SPTLC1: variants seen among roughly 807,000 people sequenced by gnomAD.
SPTLC1 encodes the protein serine palmitoyltransferase 1.
A neutral mutation model predicts 68.9 loss-of-function variants in SPTLC1; 55 were observed. The observed-to-expected ratio is 0.80, with a 90% CI of 0.64 to 1.00. SPTLC1 has a LOEUF of 1.00. SPTLC1 is among the 50% of genes least tolerant of loss of function. The probability of loss-of-function intolerance (pLI) is 0.00; values close to 1 mark genes in which losing one functional copy is unlikely to be tolerated. For synonymous variants in SPTLC1, 197 were observed against 201.6 expected (o/e 0.98, Z 0.19); for missense variants, 449 against 573.1 (o/e 0.78, Z 2.21).
chr9:92,107,837 C>T (rs1564120024), intron 3 of SPTLC1: 2 of 152,170 alleles, frequency 1.3e-5, no homozygotes, highest in Non-Finnish European at 2.9e-5. Context: ...AGAATAGAAG[C>T]TCCTGTTTGA....
At chr9:92,034,402 T>C (rs1833071161) in intron 14 of SPTLC1, among the ~76,000 whole-genome samples, 1 of 152,246 alleles carries the variant, frequency 6.6e-6, no homozygotes, top group South Asian at 2.1e-4. Context: ...TGTTACTGAG[T>C]GTTGCTGACT....
intron 1 of SPTLC1, among the ~76,000 whole-genome samples, chr9:92,113,164 T>C (rs1040946918): frequency 6.6e-6 from 1 of 152,224 alleles, no homozygotes; most frequent in Non-Finnish European, 1.5e-5. Flanking sequence ...ATCGGATTAT[T>C]TAATTTCAGT....
chr9:92,097,861 C>A (rs1835587528), intron 3 of SPTLC1, among the ~76,000 whole-genome samples: 1 of 152,050 alleles, frequency 6.6e-6, no homozygotes. Context: ...AGGAAAAAAA[C>A]CTTACACTTC....
intron 3 of SPTLC1, 161 bp downstream of exon 3, chr9:92,108,579 A>G (rs1223619931): frequency 1.4e-5 from 13 of 921,108 alleles, no homozygotes. Context: ...TATCATCCCT[A>G]GAATAAATTT....
At chr9:92,053,101 G>A in intron 8 of SPTLC1, among the ~76,000 whole-genome samples, 1 of 149,650 alleles carries the variant, frequency 6.7e-6, no homozygotes. Context: ...GTCTCCAAAG[G>A]TATACGCATG....
intron 5 of SPTLC1, among the ~76,000 whole-genome samples, chr9:92,068,807 T>C (rs1301351157): frequency 6.6e-6 from 1 of 152,222 alleles, no homozygotes; most frequent in Non-Finnish European, 1.5e-5. Context: ...GACTGAACCA[T>C]GAGGCTTCAT....
At chr9:92,053,711 G>A (rs933246716) in intron 8 of SPTLC1, among the ~76,000 whole-genome samples, 1 of 152,196 alleles carries the variant, frequency 6.6e-6, no homozygotes, top group Non-Finnish European at 1.5e-5. Flanking sequence ...ACCAGAAAAG[G>A]TAAATCCATA....
chr9:92,066,304 G>A (rs954320916), intron 6 of SPTLC1, among the ~76,000 whole-genome samples: 3 of 152,186 alleles, frequency 2.0e-5, no homozygotes, highest in Non-Finnish European at 2.9e-5. Flanking sequence ...TTGAGTGCTC[G>A]TGTGAGCATG....
chr9:92,051,376 A>G (rs1833699978), intron 8 of SPTLC1: 1 of 551,986 alleles, frequency 1.8e-6, no homozygotes, highest in Admixed American at 6.4e-5. Context: ...AAAACCCCAC[A>G]TGATCATCCC....
rs529991659 is a variant in SPTLC1 at position 92,080,257 on chromosome 9, G to T, written c.355-169C>A. On this transcript the variant is annotated intron_variant, in intron 4 of 14. Coordinates refer to ENST00000262554, the MANE Select transcript of SPTLC1 (RefSeq NM_006415.4). Reference sequence around the variant, plus strand: ...AGTATATGACTTAAAATATGGAAAAGTTATACTAGCCTGATTCTCAAAACC... The same window carrying T: ...AGTATATGACTTAAAATATGGAAAATTTATACTAGCCTGATTCTCAAAACC... Among the ~76,000 whole-genome samples, 3 of 152,296 alleles carry T rather than the reference G, an allele frequency of 2.0e-5. No homozygotes were observed. In the East Asian group the frequency reaches 5.8e-4, roughly 29 times the overall value.
rs573719774 is a variant in SPTLC1 at position 92,099,123 on chromosome 9, A to G, written c.260+9617T>C. Among the ~76,000 whole-genome samples the G allele has an allele frequency of 5.9e-5, 9 of 152,350 alleles. No individual in the cohort carries two copies. The South Asian group carries it at 1.9e-3, about 32-fold the overall frequency. ...GTCATAAAAATATAACCACTAAATT[A>G]TCTAAGGACACATTATCCTATATCT... On this transcript the variant is annotated intron_variant, in intron 3 of 14. Coordinates refer to ENST00000262554, the MANE Select transcript of SPTLC1 (RefSeq NM_006415.4).
chr9:92,044,997 T>C (rs758913310), intron 12 of SPTLC1, among the ~76,000 whole-genome samples: 1 of 152,202 alleles, frequency 6.6e-6, no homozygotes, highest in African/African-American at 2.4e-5. Flanking sequence ...GACTCCAATA[T>C]GCTAGGCTGT....
At chr9:92,087,373 T>C (rs1835185722) in intron 3 of SPTLC1, among the ~76,000 whole-genome samples, 1 of 152,188 alleles carries the variant, frequency 6.6e-6, no homozygotes, top group African/African-American at 2.4e-5. Flanking sequence ...TCTTTGTGGT[T>C]TTATCTACTT....
Position 92,067,997 on chromosome 9 carries a change from C to A in SPTLC1, c.529G>T (p.Ala177Ser). 1 of 1,614,080 alleles carries A rather than the reference C, an allele frequency of 6.2e-7. No homozygotes were observed. Among genetic ancestry groups the A allele is most frequent in the Non-Finnish European group, 8.5e-7 (1 of 1,179,980 alleles). ...GFATIASAIP[A>S]YSKRGDIVFV... Reference sequence around the variant, plus strand: ...ACAATGTCCCCTCTTTTAGAGTAAGCAGGAATAGCACTGGCTATGGTGGCA... The same window carrying A: ...ACAATGTCCCCTCTTTTAGAGTAAGAAGGAATAGCACTGGCTATGGTGGCA... Residue 177 changes from alanine to serine, a missense_variant, in exon 6 of 15, where the codon GCT becomes TCT. Ala to Ser is a moderately conservative substitution (Grantham distance 99). This residue lies in a region of SPTLC1 where 391 missense variants were observed against 472.1 expected (regional missense o/e 0.83). Transcript: ENST00000262554.
intron 14 of SPTLC1, among the ~76,000 whole-genome samples, chr9:92,034,087 C>G (rs1032849582): frequency 3.3e-5 from 5 of 152,230 alleles, no homozygotes; most frequent in African/African-American, 1.2e-4. Context: ...CACACACCAC[C>G]TCATCTGATG....
intron 6 of SPTLC1, among the ~76,000 whole-genome samples, chr9:92,061,227 T>C (rs1194259878): frequency 1.3e-5 from 2 of 151,756 alleles, no homozygotes; most frequent in African/African-American, 2.4e-5. Context: ...TGAAAACAAA[T>C]GACAAAAAAA....
rs1833846361 is a variant in SPTLC1, at chr9:92,055,265, C to T, written c.780+140G>A. The stretch of plus-strand genomic sequence containing the variant: ...ACTGGCATTCAGTGTTGTTCTTCTT[C>T]CCTGATCTGAGCAAAATATGCTTAT... On this transcript the variant is annotated intron_variant, in intron 8 of 14. Coordinates refer to ENST00000262554, the MANE Select transcript of SPTLC1 (RefSeq NM_006415.4). 16 of 1,514,758 alleles carry T rather than the reference C, an allele frequency of 1.1e-5. No homozygotes were observed. In the South Asian group the frequency reaches 2.0e-4, roughly 18 times the overall value. The allele number at this position is 1,514,758 out of a possible 1,614,324, so 93.8% of individuals were successfully genotyped here.
chr9:92,052,688 C>T (rs989224328), intron 8 of SPTLC1, among the ~76,000 whole-genome samples: 1 of 151,894 alleles, frequency 6.6e-6, no homozygotes, highest in Non-Finnish European at 1.5e-5. Flanking sequence ...TACCACCACA[C>T]CCGGCTAATT....
chr9:92,036,418 G>C (rs1462274056), intron 13 of SPTLC1, among the ~76,000 whole-genome samples: 1 of 152,246 alleles, frequency 6.6e-6, no homozygotes, highest in Non-Finnish European at 1.5e-5. Context: ...GACTTTAGCT[G>C]TTGCTATCTA....
Sources: allele counts gnomAD v4.1 joint callset (sites outside exome capture counted in the v4.1 genomes callset), GRCh38; gene constraint gnomAD v4.1.1; regional missense constraint gnomAD v4.1.1; transcripts MANE v1.5; gene names NCBI Gene and HGNC (gene_info 2026-07-23, HGNC 2026-07-21).